Variants in FNDC3B observed in about 807,000 individuals in gnomAD.
The protein encoded by FNDC3B is fibronectin type III domain-containing protein 3B.
FNDC3B carries 12 observed loss-of-function variants against 151.5 expected under a neutral mutation model. The observed-to-expected ratio is 0.08, with a 90% CI of 0.05 to 0.13. The LOEUF is 0.13. FNDC3B is among the 10% of genes least tolerant of loss of function. FNDC3B has a pLI of 1.00. For missense variants in FNDC3B, 1,214 were observed against 1,505.3 expected (o/e 0.81, Z 3.20); for synonymous variants, 528 against 549.0 (o/e 0.96, Z 0.54).
intron 15 of FNDC3B, 66 bp downstream of exon 15, chr3:172,335,148 A>G (rs1732899652): frequency 1.3e-6 from 2 of 1,482,938 alleles, no homozygotes; most frequent in Admixed American, 5.0e-5. Flanking sequence ...TTAAAAAATG[A>G]TTCATTTTAG....
At chr3:172,172,045 T>C (rs1723309287) in intron 3 of FNDC3B, among the ~76,000 whole-genome samples, 1 of 152,174 alleles carries the variant, frequency 6.6e-6, no homozygotes, top group South Asian at 2.1e-4. Context: ...TCCTCCTCCT[T>C]CGCCTCTCAT....
intron 3 of FNDC3B, among the ~76,000 whole-genome samples, chr3:172,183,809 T>C (rs1724041110): frequency 6.6e-6 from 1 of 152,232 alleles, no homozygotes; most frequent in Non-Finnish European, 1.5e-5. Context: ...TGACATCCCA[T>C]CATTTGATAG....
chr3:172,289,736 T>C (rs1217487701), intron 7 of FNDC3B, among the ~76,000 whole-genome samples: 2 of 152,168 alleles, frequency 1.3e-5, no homozygotes, highest in South Asian at 2.1e-4. Context: ...ACGCCGGAAG[T>C]CTGACCAGCC....
chr3:172,387,672 CT>C (rs1475410179), intron 25 of FNDC3B, among the ~76,000 whole-genome samples: 2 of 152,168 alleles, frequency 1.3e-5, no homozygotes, highest in Non-Finnish European at 2.9e-5. Context: ...ACCCATACCT[CT>C]ACTTAAAATT....
chr3:172,344,288 A>C (rs1733498730), intron 19 of FNDC3B, 30 bp downstream of exon 19: 1 of 1,566,818 alleles, frequency 6.4e-7, no homozygotes, highest in African/African-American at 1.4e-5. Context: ...CCATAACCAG[A>C]ATCAGAATGC....
At chr3:172,193,612 C>G (rs1351520525) in intron 3 of FNDC3B, among the ~76,000 whole-genome samples, 2 of 151,282 alleles carry the variant, frequency 1.3e-5, no homozygotes, top group African/African-American at 4.9e-5. Context: ...TCTGCCATCC[C>G]CACTACTGCT....
chr3:172,398,869 AT>A lies in FNDC3B; in HGVS notation c.*1395del, dbSNP rs1338348591. On this transcript the variant is annotated 3_prime_UTR_variant, in exon 26 of 26. Coordinates refer to ENST00000415807, the MANE Select transcript of FNDC3B (RefSeq NM_022763.4). Reference sequence around the variant, plus strand: ...CGTGTTTATTTTGAGTCATGAGATAATCAATTTTAACCCAAAGTCATTGGAT... The same window carrying A: ...CGTGTTTATTTTGAGTCATGAGATAACAATTTTAACCCAAAGTCATTGGAT... 6.6e-6 allele frequency: 1 copy of A among 152,656 alleles called. No homozygotes were observed. Among genetic ancestry groups the A allele is most frequent in the African/African-American group, 2.4e-5 (1 of 41,456 alleles). The allele number at this position is 152,656 out of a possible 1,614,324, so 9.5% of individuals were successfully genotyped here. A position where few individuals can be genotyped will look rare whatever the true frequency, so the allele number is the denominator to read the frequency against.
At chr3:172,094,223 C>T (rs1288719707) in intron 1 of FNDC3B, among the ~76,000 whole-genome samples, 1 of 150,518 alleles carries the variant, frequency 6.6e-6, no homozygotes, top group Non-Finnish European at 1.5e-5. Flanking sequence ...AATTCTAGAA[C>T]ATCGGCATTG....
chr3:172,188,648 G>A (rs955424423), intron 3 of FNDC3B, among the ~76,000 whole-genome samples: 3 of 151,470 alleles, frequency 2.0e-5, no homozygotes, highest in South Asian at 2.1e-4. Flanking sequence ...CTCGTGATCC[G>A]CCCGCCTCAG....
chr3:172,120,338 T>G (rs984930805), intron 2 of FNDC3B, among the ~76,000 whole-genome samples: 6 of 152,140 alleles, frequency 3.9e-5, no homozygotes, highest in Non-Finnish European at 7.3e-5. Flanking sequence ...AAATCTAAGG[T>G]GATTTTAACA....
At position 172,239,792 on chromosome 3, in the gene FNDC3B, A is replaced by AG. The variant is rs1727381801; in HGVS notation, c.265-7741_265-7740insG. Among the ~76,000 whole-genome samples, 4 of 147,834 alleles carry AG rather than the reference A, an allele frequency of 2.7e-5. No homozygotes were observed. The South Asian group carries it at 8.4e-4, about 31-fold the overall frequency. On this transcript the variant is annotated intron_variant, in intron 4 of 25. Transcript: ENST00000415807. ...AGCTAAGACAAAAAAAAAAAAAAAG[A>AG]AAAAAAGCAAATAACAACAACCCTC...
At chr3:172,115,765 T>C (rs1052026996) in intron 2 of FNDC3B, among the ~76,000 whole-genome samples, 7 of 152,200 alleles carry the variant, frequency 4.6e-5, no homozygotes, top group Admixed American at 3.9e-4. Context: ...AGCCATCCCC[T>C]GGCCATAGGA....
chr3:172,359,492 G>C (rs1734265846), intron 22 of FNDC3B, among the ~76,000 whole-genome samples: 2 of 152,098 alleles, frequency 1.3e-5, no homozygotes, highest in South Asian at 4.1e-4. Context: ...GACACTGGAA[G>C]GACCTTAATA....
chr3:172,147,985 C>T (rs899455267), intron 3 of FNDC3B, among the ~76,000 whole-genome samples: 2 of 151,702 alleles, frequency 1.3e-5, no homozygotes, highest in Non-Finnish European at 2.9e-5. Flanking sequence ...AAAAATTTTT[C>T]CTCCCTTTTC....
intron 18 of FNDC3B, 136 bp from the exon 19 acceptor site, chr3:172,343,950 C>G: frequency 1.4e-6 from 1 of 691,412 alleles, no homozygotes; most frequent in Middle Eastern, 2.7e-4. Flanking sequence ...TTTTGGTGGG[C>G]ATGGATTCTT....
chr3:172,162,643 C>CA (rs1402116308), intron 3 of FNDC3B, among the ~76,000 whole-genome samples: 1 of 143,028 alleles, frequency 7.0e-6, no homozygotes, highest in Non-Finnish European at 1.5e-5. Context: ...TTCTTGTCAA[C>CA]ACTTGTTATT....
intron 2 of FNDC3B, among the ~76,000 whole-genome samples, chr3:172,118,409 A>G (rs997306127): frequency 2.0e-5 from 3 of 152,250 alleles, no homozygotes; most frequent in African/African-American, 7.2e-5. Context: ...TGCTTACATA[A>G]CAGAGTTTGT....
Position 172,326,682 on chromosome 3 carries a change from G to A in FNDC3B, c.1255-2270G>A, listed in dbSNP as rs941922121. ...CCCTTCTCCTAATTCTTTAGTGAGC[G>A]TGAGTGCTCTGGCTCTCTTAAAAGT... On this transcript the variant is annotated intron_variant, in intron 11 of 25. Coordinates refer to ENST00000415807, the MANE Select transcript of FNDC3B (RefSeq NM_022763.4). Among the ~76,000 whole-genome samples, 4 of 152,098 alleles carry A rather than the reference G, an allele frequency of 2.6e-5. No homozygotes were observed. In the South Asian group the frequency reaches 6.2e-4, roughly 24 times the overall value.
At chr3:172,147,502 T>C (rs566803457) in intron 3 of FNDC3B, among the ~76,000 whole-genome samples, 19 of 152,036 alleles carry the variant, frequency 1.2e-4, no homozygotes, top group Admixed American at 4.6e-4. Context: ...ATTTTGTTGC[T>C]TGACTTGGGT....
Sources: allele counts gnomAD v4.1 joint callset (sites outside exome capture counted in the v4.1 genomes callset), GRCh38; gene constraint gnomAD v4.1.1; transcripts MANE v1.5; gene names NCBI Gene and HGNC (gene_info 2026-07-23, HGNC 2026-07-21).